The following DNAH11 variants were observed in gnomAD, a reference collection of about 807,000 sequenced individuals.
DNAH11 encodes the protein dynein axonemal heavy chain 11, also known as axonemal beta dynein heavy chain 11.
DNAH11 carries 442 observed loss-of-function variants against 526.0 expected under a neutral mutation model. That is an observed-to-expected ratio of 0.84 (90% confidence interval 0.78 to 0.91). DNAH11 has a LOEUF of 0.91. Ranked by LOEUF, DNAH11 falls within the 40% of genes least tolerant of loss-of-function variation. The pLI, the probability that DNAH11 is intolerant of heterozygous loss-of-function variation, is 0.00. For synonymous variants in DNAH11, 2,461 were observed against 1,935.9 expected, an observed-to-expected ratio of 1.27 and a Z score of -7.12; for missense variants, 6,989 against 5,448.7, an observed-to-expected ratio of 1.28 and a Z score of -8.90.
At chr7:21,553,696 G>A (rs1248609126) in intron 2 of DNAH11, among the ~76,000 whole-genome samples, 1 of 152,138 alleles carries the variant, frequency 6.6e-6, no homozygotes, top group African/African-American at 2.4e-5. Context: ...GCTTTTCCAT[G>A]TATTTCACCT....
At chr7:21,900,302 CTG>C (rs532480846) in intron 81 of DNAH11, among the ~76,000 whole-genome samples, 182 bp downstream of exon 81, 166 of 119,490 alleles carry the variant, frequency 1.4e-3, no homozygotes, top group African/African-American at 4.4e-3. Context: ...GTGAACCAAA[CTG>C]TAATATTTGG....
At chr7:21,820,179 G>C (rs1005569713) in intron 65 of DNAH11, among the ~76,000 whole-genome samples, 1 of 152,182 alleles carries the variant, frequency 6.6e-6, no homozygotes, top group Non-Finnish European at 1.5e-5. Flanking sequence ...GTCAGTCATT[G>C]AGTAAACCTT....
Position 21,725,944 on chromosome 7 carries a change from A to G in DNAH11, c.7400A>G (p.Lys2467Arg), listed in dbSNP as rs990447082. Residue 2467 changes from lysine to arginine, a missense_variant, in exon 45 of 82, where the codon AAA becomes AGA. Physicochemically the swap from Lys to Arg is conservative, Grantham distance 26. Transcript: ENST00000409508. The stretch of plus-strand genomic sequence containing the variant: ...AAGAAATTATTGCCCTGGGCTGACA[A>G]AATTGCCCAGTTTACTATGGATCCA... ...KTKKLLPWADKIAQFTMDPDV... is the reference protein window; with the variant it reads ...KTKKLLPWADRIAQFTMDPDV... The G allele has an allele frequency of 1.2e-5, 19 of 1,560,682 alleles. No individual in the cohort carries two copies. The highest frequency in any genetic ancestry group is 3.9e-5 in the Admixed American group (2 of 51,800).
At chr7:21,694,844 C>A (rs143737595) in intron 35 of DNAH11, among the ~76,000 whole-genome samples, 1 of 152,184 alleles carries the variant, frequency 6.6e-6, no homozygotes, top group Non-Finnish European at 1.5e-5. Flanking sequence ...TATTTCTCCA[C>A]GTTCTCGCCA....
intron 55 of DNAH11, among the ~76,000 whole-genome samples, chr7:21,766,679 A>G (rs2128498632): frequency 6.6e-6 from 1 of 150,792 alleles, no homozygotes; most frequent in South Asian, 2.1e-4. Flanking sequence ...AGCTAGCTTT[A>G]TTGTTCATAA....
At chr7:21,773,203 C>G (rs1054468041) in intron 55 of DNAH11, among the ~76,000 whole-genome samples, 1 of 152,182 alleles carries the variant, frequency 6.6e-6, no homozygotes, top group South Asian at 2.1e-4. Flanking sequence ...GAGAGTTGCT[C>G]TTTTTGTGGG....
intron 12 of DNAH11, among the ~76,000 whole-genome samples, chr7:21,590,615 C>T (rs1310015273): frequency 1.3e-5 from 2 of 152,148 alleles, no homozygotes; most frequent in Non-Finnish European, 2.9e-5. Flanking sequence ...GCTAGTAAAA[C>T]TCAGCACACA....
At chr7:21,886,345 T>C (rs1157638761) in intron 76 of DNAH11, among the ~76,000 whole-genome samples, 1 of 152,224 alleles carries the variant, frequency 6.6e-6, no homozygotes, top group East Asian at 1.9e-4. Context: ...TATTTTAGTC[T>C]AATATAGAAA....
At chr7:21,780,499 CAT>C (rs376037352) in intron 57 of DNAH11, among the ~76,000 whole-genome samples, 1,980 of 152,258 alleles carry the variant, frequency 0.013, 34 homozygotes, top group African/African-American at 0.04. Context: ...ATTACACAAA[CAT>C]GTGATGTTCT....
At chr7:21,857,840 A>G (rs1441009724) in intron 68 of DNAH11, among the ~76,000 whole-genome samples, 1 of 152,190 alleles carries the variant, frequency 6.6e-6, no homozygotes, top group African/African-American at 2.4e-5. Context: ...TTATTAAGCT[A>G]TACATTTTCT....
At chr7:21,619,256 G>C in intron 24 of DNAH11, 34 bp downstream of exon 24, 1 of 1,595,126 alleles carries the variant, frequency 6.3e-7, no homozygotes, top group African/African-American at 1.3e-5. Flanking sequence ...TTTCTACTTG[G>C]CTAATTTTGG....
intron 43 of DNAH11, 107 bp from the exon 44 acceptor site, chr7:21,720,618 G>GGAAA: frequency 7.9e-7 from 1 of 1,269,834 alleles, no homozygotes; most frequent in Non-Finnish European, 1.1e-6. Flanking sequence ...TCACAGCTGG[G>GGAAA]AAAAACTATG....
At chr7:21,615,299 T>C (rs1343256097) in intron 21 of DNAH11, 27 bp downstream of exon 21, 5 of 1,604,900 alleles carry the variant, frequency 3.1e-6, no homozygotes, top group Non-Finnish European at 4.3e-6. Flanking sequence ...CAAAACATGC[T>C]TTTTATTTAG....
Position 21,901,109 on chromosome 7 carries a change from G to C in DNAH11, c.13406G>C (p.Arg4469Thr). 1 of 1,614,008 alleles carries C rather than the reference G, an allele frequency of 6.2e-7. No individual in the cohort carries two copies. The highest frequency in any genetic ancestry group is 2.2e-5 in the East Asian group (1 of 44,880). ...VIFAKATPVD[R>T]QETKQTYECP... ...TTTGCAAAAGCCACCCCCGTGGACA[G>C]ACAAGAAACCAAACAGACCTACGAG... Residue 4469 changes from arginine to threonine, a missense_variant, in exon 82 of 82, where the codon AGA (arginine) becomes ACA (threonine). Transcript: ENST00000409508.
chr7:21,893,847 C>G (rs1784413211), intron 77 of DNAH11, among the ~76,000 whole-genome samples: 1 of 152,150 alleles, frequency 6.6e-6, no homozygotes, highest in Non-Finnish European at 1.5e-5. Flanking sequence ...GCAGAATTTG[C>G]TTACGCTTAA....
intron 20 of DNAH11, among the ~76,000 whole-genome samples, chr7:21,608,739 C>T (rs1056900959): frequency 2.6e-5 from 4 of 152,178 alleles, no homozygotes; most frequent in African/African-American, 9.7e-5. Flanking sequence ...CTTGACTAAC[C>T]AACATGCTGT....
chr7:21,691,382 G>T (rs909957475), intron 35 of DNAH11, among the ~76,000 whole-genome samples: 3 of 151,420 alleles, frequency 2.0e-5, no homozygotes, highest in Admixed American at 1.3e-4. Context: ...CATGGCAGCT[G>T]CTGGCTCTGT....
At chr7:21,742,266 CT>C (rs1785941577) in intron 49 of DNAH11, 100 bp downstream of exon 49, 4 of 1,331,402 alleles carry the variant, frequency 3.0e-6, no homozygotes, top group Non-Finnish European at 4.1e-6. Flanking sequence ...ACACCTGAGG[CT>C]AGGTAATTTA....
At position 21,816,507 on chromosome 7, in the gene DNAH11, T is replaced by C; in HGVS notation, c.10373T>C (p.Met3458Thr). 1.9e-6 allele frequency: 3 copies of C among 1,611,556 alleles called. No individual in the cohort carries two copies. The highest frequency in any genetic ancestry group is 1.3e-5 in the African/African-American group (1 of 75,018). Residue 3458 changes from methionine to threonine, a missense_variant, in exon 64 of 82, where the codon ATG (methionine) becomes ACG (threonine). Met to Thr is a moderately conservative substitution (Grantham distance 81). Coordinates refer to ENST00000409508, the MANE Select transcript of DNAH11 (RefSeq NM_001277115.2). Reference protein sequence around the residue: ...PLTEGLDLISMLTDDATIAAW... With the variant: ...PLTEGLDLISTLTDDATIAAW... ...ACCGAAGGCCTGGACTTGATATCCA[T>C]GTTGACGGATGATGCTACAATTGCC...
Sources: gnomAD v4.1 joint callset for allele counts (sites outside exome capture counted in the v4.1 genomes callset) on GRCh38, gnomAD v4.1.1 for gene constraint, MANE v1.5 for transcripts, NCBI Gene and HGNC (gene_info 2026-07-23, HGNC 2026-07-21) for gene names.